The following GPR39 variants were observed in gnomAD, a reference collection of about 807,000 sequenced individuals.
GPR39 encodes G protein-coupled receptor 39.
Under a neutral mutation model 18.4 loss-of-function variants are expected in GPR39, and 23 were observed. The observed-to-expected ratio is 1.25, with a 90% confidence interval of 0.90 to 1.77. The LOEUF is 1.77. Ranked by LOEUF, GPR39 falls within the 40% of genes most tolerant of loss-of-function variation. The pLI is 0.00. For missense variants in GPR39, 647 were observed against 602.4 expected (o/e 1.07, Z -0.78); for synonymous variants, 280 against 257.9 (o/e 1.09, Z -0.82).
At position 132,570,340 on chromosome 2, in the gene GPR39, T is replaced by C. The variant is rs1477027444; in HGVS notation, c.857-74761T>C. 3.9e-5 allele frequency among the ~76,000 whole-genome samples: 6 copies of C among 152,032 alleles called. No individual in the cohort carries two copies. The South Asian group carries it at 8.3e-4, about 21-fold the overall frequency. ...GGGCTCAATATCTGCTCCAGGGAAG[T>C]CTCCACGTTCACATCCCCCTCCAGC... On this transcript the variant is annotated intron_variant, in intron 1 of 1. Transcript: ENST00000329321.
At chr2:132,525,052 T>A (rs1679485015) in intron 1 of GPR39, among the ~76,000 whole-genome samples, 2 of 152,142 alleles carry the variant, frequency 1.3e-5, no homozygotes. Context: ...CCCCTACCCA[T>A]CAGCTGCCCC....
chr2:132,577,623 A>G (rs7582460), intron 1 of GPR39, among the ~76,000 whole-genome samples: 18,615 of 152,162 alleles, frequency 0.12, 3,665 homozygotes, highest in African/African-American at 0.42. Flanking sequence ...TTATATATAA[A>G]TATTTTCTTT....
intron 1 of GPR39, among the ~76,000 whole-genome samples, chr2:132,449,656 C>T (rs1427136810): frequency 6.6e-6 from 1 of 152,172 alleles, no homozygotes; most frequent in Non-Finnish European, 1.5e-5. Context: ...AAACATTCCA[C>T]TTTGCTTCTC....
chr2:132,609,396 T>C (rs750329822), intron 1 of GPR39, among the ~76,000 whole-genome samples: 1 of 152,158 alleles, frequency 6.6e-6, no homozygotes, highest in Non-Finnish European at 1.5e-5. Context: ...AGAATGGTGG[T>C]ATTACCCCAA....
intron 1 of GPR39, among the ~76,000 whole-genome samples, chr2:132,461,535 C>A (rs2104777268): frequency 6.6e-6 from 1 of 152,360 alleles, no homozygotes; most frequent in Middle Eastern, 3.4e-3. Flanking sequence ...GCTAACACAA[C>A]AGCTGTAATC....
intron 1 of GPR39, among the ~76,000 whole-genome samples, chr2:132,450,300 C>A (rs1301798708): frequency 6.6e-6 from 1 of 152,180 alleles, no homozygotes; most frequent in African/African-American, 2.4e-5. Context: ...AAGCAGATGG[C>A]CACCAACATT....
chr2:132,521,235 C>T (rs904571919), intron 1 of GPR39, among the ~76,000 whole-genome samples: 1 of 152,218 alleles, frequency 6.6e-6, no homozygotes, highest in Non-Finnish European at 1.5e-5. Flanking sequence ...GCACTGCTAG[C>T]TGTAAAGGAG....
chr2:132,441,333 T>TACC (rs992133455), intron 1 of GPR39, among the ~76,000 whole-genome samples: 1 of 152,118 alleles, frequency 6.6e-6, no homozygotes, highest in African/African-American at 2.4e-5. Flanking sequence ...AACTCTTGGT[T>TACC]AAGAATCTGG....
intron 1 of GPR39, among the ~76,000 whole-genome samples, chr2:132,466,364 T>A (rs1442377825): frequency 6.6e-6 from 1 of 152,218 alleles, no homozygotes; most frequent in Non-Finnish European, 1.5e-5. Context: ...TCTGGATGAT[T>A]GTCCTTTTTT....
At chr2:132,530,634 A>C (rs758877488) in intron 1 of GPR39, among the ~76,000 whole-genome samples, 1 of 152,252 alleles carries the variant, frequency 6.6e-6, no homozygotes, top group Non-Finnish European at 1.5e-5. Context: ...AGGGAAGCCC[A>C]TCAGACTAAC....
At chr2:132,418,306 C>T (rs1353332142) in intron 1 of GPR39, among the ~76,000 whole-genome samples, 1 of 152,172 alleles carries the variant, frequency 6.6e-6, no homozygotes. Context: ...ATACAGGGAA[C>T]CGTCTTATCT....
chr2:132,551,679 A>G (rs1289861764), intron 1 of GPR39, among the ~76,000 whole-genome samples: 5 of 152,238 alleles, frequency 3.3e-5, no homozygotes, highest in African/African-American at 1.2e-4. Context: ...ATAGAGCCCA[A>G]CCTGTGGAAA....
chr2:132,451,308 A>G (rs1680629649), intron 1 of GPR39, among the ~76,000 whole-genome samples: 1 of 151,912 alleles, frequency 6.6e-6, no homozygotes. Flanking sequence ...TCATCATAGT[A>G]CTCACCTCTA....
intron 1 of GPR39, among the ~76,000 whole-genome samples, chr2:132,576,782 C>T (rs1680535114): frequency 6.6e-6 from 1 of 152,102 alleles, no homozygotes; most frequent in East Asian, 1.9e-4. Flanking sequence ...GTTAATTTCA[C>T]ATAAGGGTGT....
chr2:132,566,493 C>G (rs1228139670), intron 1 of GPR39, among the ~76,000 whole-genome samples: 4 of 152,212 alleles, frequency 2.6e-5, no homozygotes, highest in Non-Finnish European at 5.9e-5. Context: ...AGAAAAATCT[C>G]AAAAGCAGGT....
chr2:132,606,507 T>C (rs1195560545), intron 1 of GPR39, among the ~76,000 whole-genome samples: 1 of 152,240 alleles, frequency 6.6e-6, no homozygotes, highest in Non-Finnish European at 1.5e-5. Flanking sequence ...GCAGAGGTTG[T>C]GGGTAGCCCT....
chr2:132,504,268 A>G (rs953396089), intron 1 of GPR39, among the ~76,000 whole-genome samples: 2 of 152,210 alleles, frequency 1.3e-5, no homozygotes, highest in Admixed American at 6.5e-5. Context: ...GTCTAAAGCC[A>G]TCATTCATCT....
chr2:132,445,677 A>C (rs947126439), intron 1 of GPR39, among the ~76,000 whole-genome samples: 1 of 111,148 alleles, frequency 9.0e-6, no homozygotes, highest in Non-Finnish European at 2.2e-5. Context: ...ATTGTTTGCC[A>C]TACCTGTGAT....
chr2:132,625,089 G>GCTTCTACATGGCTTTTTTA (rs1681517434), intron 1 of GPR39, among the ~76,000 whole-genome samples: 1 of 129,600 alleles, frequency 7.7e-6, no homozygotes, highest in Non-Finnish European at 1.6e-5. Context: ...TTTTTTTTTT[G>GCTTCTACATGGCTTTTTTA]CTTCTACATG....
Sources: allele counts gnomAD v4.1 joint callset (sites outside exome capture counted in the v4.1 genomes callset), GRCh38; gene constraint gnomAD v4.1.1; transcripts MANE v1.5; gene names NCBI Gene and HGNC (gene_info 2026-07-23, HGNC 2026-07-21).